Variants in SMAGP observed in about 807,000 individuals in gnomAD.
SMAGP encodes small cell transmembrane and glycosylated protein.
A neutral mutation model predicts 10.1 loss-of-function variants in SMAGP; 7 were observed. That is an observed-to-expected ratio of 0.70 (90% CI 0.40 to 1.31). The LOEUF (loss-of-function observed/expected upper bound fraction) is 1.31, where lower values mean the gene tolerates loss of function less well. Among genes scored for constraint, SMAGP ranks in the 50% most tolerant of loss-of-function variants. SMAGP has a pLI of 0.01. For synonymous variants in SMAGP, 49 were observed against 47.2 expected, an observed-to-expected ratio of 1.04 and a Z score of -0.16; for missense variants, 113 against 116.5, an observed-to-expected ratio of 0.97 and a Z score of 0.14.
intron 2 of SMAGP, among the ~76,000 whole-genome samples, chr12:51,247,988 T>A (rs367958839): frequency 6.6e-6 from 1 of 152,138 alleles, no homozygotes; most frequent in Admixed American, 6.5e-5. Context: ...GGTAAGAGTT[T>A]ACCGGGTAAC....
chr12:51,246,980 T>G, intron 2 of SMAGP, 149 bp from the exon 3 acceptor site: 1 of 518,218 alleles, frequency 1.9e-6, no homozygotes, highest in Non-Finnish European at 3.4e-6. Flanking sequence ...TAGAAAATCC[T>G]AGAGAATAAA....
At chr12:51,248,432 ACACTCTCT>A (rs1390694096) in intron 2 of SMAGP, among the ~76,000 whole-genome samples, 534 of 48,682 alleles carry the variant, frequency 0.011, no homozygotes, top group African/African-American at 0.023. Flanking sequence ...ACACACACAC[ACACTCTCT>A]CTCTCTCTCT....
chr12:51,247,500 A>G (rs1944789008), intron 2 of SMAGP, among the ~76,000 whole-genome samples: 1 of 152,162 alleles, frequency 6.6e-6, no homozygotes, highest in Admixed American at 6.6e-5. Context: ...GGGTTTATTT[A>G]TCCTTCAGAG....
intron 2 of SMAGP, among the ~76,000 whole-genome samples, chr12:51,251,073 G>C (rs1290635072): frequency 6.6e-6 from 1 of 152,110 alleles, no homozygotes; most frequent in East Asian, 1.9e-4. Context: ...ACAAAGCATT[G>C]AGAAGATTAA....
intron 2 of SMAGP, among the ~76,000 whole-genome samples, chr12:51,260,264 C>T (rs1442907968): frequency 1.4e-5 from 2 of 144,438 alleles, no homozygotes; most frequent in South Asian, 2.2e-4. Flanking sequence ...GATCTTGGCT[C>T]GCTGCAACCT....
intron 2 of SMAGP, among the ~76,000 whole-genome samples, chr12:51,264,455 A>G (rs1412640537): frequency 6.6e-6 from 1 of 152,054 alleles, no homozygotes; most frequent in Non-Finnish European, 1.5e-5. Flanking sequence ...GCAAAACCCT[A>G]TCTCTACAAA....
Position 51,245,864 on chromosome 12 carries a change from G to T in SMAGP, c.*77C>A. 6.7e-7 allele frequency: 1 copy of T among 1,501,548 alleles called. No individual in the cohort carries two copies. The highest frequency in any genetic ancestry group is 1.3e-5 in the South Asian group (1 of 77,606). 93.0% of individuals were successfully genotyped at this position (1,501,548 alleles called of 1,614,324 possible). A position where few individuals can be genotyped will look rare whatever the true frequency, so the allele number is the denominator to read the frequency against. ...CAATCAATGCTTCTCCCTGGCTTCA[G>T]AGAAAACTTTCCCATAATAAGCAGT... On this transcript the variant is annotated 3_prime_UTR_variant, in exon 4 of 4. Coordinates refer to ENST00000603798, the MANE Select transcript of SMAGP (RefSeq NM_001031628.2).
rs1021185074 is a variant in SMAGP at position 51,258,411 on chromosome 12, G to A, written c.34+10834C>T. The stretch of plus-strand genomic sequence containing the variant: ...GTTCAAGACCAGCCTGGCCAACATG[G>A]TGAAACCCCATCTCTACTAAAAATA... On this transcript the variant is annotated intron_variant, in intron 2 of 3. Coordinates refer to ENST00000603798, the MANE Select transcript of SMAGP (RefSeq NM_001031628.2). 1.1e-4 allele frequency among the ~76,000 whole-genome samples: 16 copies of A among 152,140 alleles called. No homozygotes were observed. The East Asian group carries it at 3.1e-3, about 30-fold the overall frequency.
intron 2 of SMAGP, among the ~76,000 whole-genome samples, chr12:51,248,444 T>A (rs1352905989): frequency 0.014 from 879 of 61,434 alleles, 8 homozygotes; most frequent in South Asian, 0.034. Flanking sequence ...ACTCTCTCTC[T>A]CTCTCTCTCT....
intron 2 of SMAGP, among the ~76,000 whole-genome samples, chr12:51,259,393 T>C (rs941832599): frequency 2.6e-5 from 4 of 152,018 alleles, no homozygotes; most frequent in African/African-American, 9.7e-5. Context: ...GGATTACAGG[T>C]GTGAGCCACT....
At chr12:51,257,552 A>AT (rs56916271) in intron 2 of SMAGP, among the ~76,000 whole-genome samples, 23,117 of 145,510 alleles carry the variant, frequency 0.16, 3,432 homozygotes, top group African/African-American at 0.38. Flanking sequence ...CTTTGTATAC[A>AT]TTTTTTTTTT....
At chr12:51,247,829 G>A (rs1040057599) in intron 2 of SMAGP, among the ~76,000 whole-genome samples, 2 of 152,254 alleles carry the variant, frequency 1.3e-5, no homozygotes, top group Middle Eastern at 3.4e-3. Flanking sequence ...GCTTCCCGAG[G>A]CTCACCCTCC....
chr12:51,246,220 C>T (rs2137292494), intron 3 of SMAGP, 101 bp from the exon 4 acceptor site: 2 of 1,507,068 alleles, frequency 1.3e-6, no homozygotes, highest in East Asian at 4.6e-5. Flanking sequence ...TAAAGATCCT[C>T]TTGTTTTCAT....
chr12:51,248,434 A>ACACACTCTCACTCTCTCTCTCTCTCTCT (rs1188710796), intron 2 of SMAGP, among the ~76,000 whole-genome samples: 2 of 77,468 alleles, frequency 2.6e-5, no homozygotes, highest in African/African-American at 1.0e-4. Context: ...ACACACACAC[A>ACACACTCTCACTCTCTCTCTCTCTCTCT]CTCTCTCTCT....
In SMAGP at chr12:51,253,397, G is replaced by A. The variant is rs568590162; in HGVS notation, c.35-6566C>T. On this transcript the variant is annotated intron_variant, in intron 2 of 3. Transcript: ENST00000603798. ...AATTACCCAGCAATCTCATTGCTGG[G>A]TGGGTATGATCCCGCAATCCCACTT... is the stretch of plus-strand genomic sequence containing the variant. Among the ~76,000 whole-genome samples the A allele has an allele frequency of 2.0e-5, 3 of 152,248 alleles. No homozygotes were observed. The East Asian group carries it at 5.8e-4, about 29-fold the overall frequency.
chr12:51,267,842 G>A (rs1944989789), intron 2 of SMAGP, among the ~76,000 whole-genome samples: 1 of 152,132 alleles, frequency 6.6e-6, no homozygotes, highest in African/African-American at 2.4e-5. Flanking sequence ...TGAATTGTGT[G>A]CATTACCAGT....
At chr12:51,249,026 G>A (rs1944811709) in intron 2 of SMAGP, among the ~76,000 whole-genome samples, 1 of 151,826 alleles carries the variant, frequency 6.6e-6, no homozygotes, top group African/African-American at 2.4e-5. Flanking sequence ...GTCGCAGTGA[G>A]CTGAGATCGC....
intron 2 of SMAGP, among the ~76,000 whole-genome samples, chr12:51,255,883 T>C (rs764225978): frequency 6.6e-6 from 1 of 152,208 alleles, no homozygotes; most frequent in Non-Finnish European, 1.5e-5. Context: ...GCAATTTTCC[T>C]GCCTCAGACT....
chr12:51,269,161 T>C (rs941156197), intron 2 of SMAGP, 84 bp downstream of exon 2: 2 of 1,518,612 alleles, frequency 1.3e-6, no homozygotes, highest in Non-Finnish European at 1.8e-6. Context: ...TCTTCCCACC[T>C]GGGCTGAGGC....
Sources: allele counts gnomAD v4.1 joint callset (sites outside exome capture counted in the v4.1 genomes callset), GRCh38; gene constraint gnomAD v4.1.1; transcripts MANE v1.5; gene names NCBI Gene and HGNC (gene_info 2026-07-23, HGNC 2026-07-21).